Variants in SLC24A2 observed in about 807,000 individuals in gnomAD.
SLC24A2 encodes the protein sodium/potassium/calcium exchanger 2.
A neutral mutation model predicts 62.0 loss-of-function variants in SLC24A2; 36 were observed. That is an observed-to-expected ratio of 0.58 (90% confidence interval 0.44 to 0.77). SLC24A2 has a LOEUF of 0.77. SLC24A2 is among the 30% of genes least tolerant of loss of function. The pLI is 0.00. For synonymous variants in SLC24A2, 358 were observed against 294.0 expected (o/e 1.22, Z -2.23); for missense variants, 846 against 817.9 (o/e 1.03, Z -0.42).
At chr9:20,295,067 C>T in the SLC24A2 span, among the ~76,000 whole-genome samples, 1 of 138,512 alleles carries the variant, frequency 7.2e-6, no homozygotes. Context: ...CACACACATA[C>T]ACACACACAC....
chr9:19,680,528 T>C (rs1587142245), intron 2 of SLC24A2, among the ~76,000 whole-genome samples: 1 of 151,758 alleles, frequency 6.6e-6, no homozygotes, highest in East Asian at 1.9e-4. Flanking sequence ...CAACTTTCGC[T>C]CATTAAAATG....
the SLC24A2 span, among the ~76,000 whole-genome samples, chr9:20,151,783 T>C: frequency 1.3e-5 from 2 of 151,780 alleles, no homozygotes; most frequent in Non-Finnish European, 2.9e-5. Context: ...TTCACTTTCA[T>C]CTTTTGCTAA....
At chr9:19,750,001 G>C (rs911611429) in intron 2 of SLC24A2, among the ~76,000 whole-genome samples, 1 of 152,190 alleles carries the variant, frequency 6.6e-6, no homozygotes, top group South Asian at 2.1e-4. Flanking sequence ...ATGCCTGCTA[G>C]ACCCTCCAGG....
the SLC24A2 span, among the ~76,000 whole-genome samples, chr9:20,036,438 A>G: frequency 2.6e-5 from 4 of 152,066 alleles, no homozygotes; most frequent in Admixed American, 2.6e-4. Flanking sequence ...AATCAAACTT[A>G]TTCCTCCCGT....
the SLC24A2 span, among the ~76,000 whole-genome samples, chr9:20,070,101 T>A: frequency 2.2e-4 from 33 of 152,358 alleles, 1 homozygote; most frequent in Non-Finnish European, 3.8e-4. Flanking sequence ...TAAATGAACA[T>A]TAAATTGTCC....
chr9:19,557,904 C>T (rs995301101), intron 7 of SLC24A2, among the ~76,000 whole-genome samples: 3 of 151,790 alleles, frequency 2.0e-5, no homozygotes, highest in Non-Finnish European at 4.4e-5. Context: ...CTGTAGCCTC[C>T]ATCTCCCTGG....
At chr9:20,061,934 T>C in the SLC24A2 span, among the ~76,000 whole-genome samples, 1 of 152,174 alleles carries the variant, frequency 6.6e-6, no homozygotes, top group Non-Finnish European at 1.5e-5. Flanking sequence ...ATCATATATC[T>C]GATAAAAGCC....
At chr9:20,283,244 G>A in the SLC24A2 span, among the ~76,000 whole-genome samples, 2 of 152,232 alleles carry the variant, frequency 1.3e-5, no homozygotes, top group Non-Finnish European at 2.9e-5. Flanking sequence ...CCATTTGGAT[G>A]TTGCCGTTTC....
At chr9:20,019,987 T>C in the SLC24A2 span, among the ~76,000 whole-genome samples, 1 of 152,018 alleles carries the variant, frequency 6.6e-6, no homozygotes, top group African/African-American at 2.4e-5. Flanking sequence ...TCATCACTGG[T>C]CATTAGAGAA....
the SLC24A2 span, among the ~76,000 whole-genome samples, chr9:19,976,689 T>C: frequency 6.6e-6 from 1 of 152,226 alleles, no homozygotes; most frequent in Non-Finnish European, 1.5e-5. Flanking sequence ...GTACATTATA[T>C]GCAAATAGTC....
At chr9:19,550,032 C>T (rs900135248) in intron 8 of SLC24A2, 105 bp downstream of exon 8, 23 of 1,152,966 alleles carry the variant, frequency 2.0e-5, no homozygotes, top group Non-Finnish European at 2.6e-5. Context: ...GATTTTGATA[C>T]AAGTGTACTT....
At chr9:19,727,139 A>G (rs1418812746) in intron 2 of SLC24A2, among the ~76,000 whole-genome samples, 1 of 152,176 alleles carries the variant, frequency 6.6e-6, no homozygotes, top group East Asian at 1.9e-4. Context: ...TGTGGGCTCT[A>G]CCATTCCTAG....
chr9:19,982,942 G>T, the SLC24A2 span, among the ~76,000 whole-genome samples: 1 of 152,228 alleles, frequency 6.6e-6, no homozygotes. Flanking sequence ...GTGGAAAAAA[G>T]ATTTGACAAA....
chr9:19,603,435 T>C (rs1340365201), intron 4 of SLC24A2, among the ~76,000 whole-genome samples: 1 of 152,118 alleles, frequency 6.6e-6, no homozygotes, highest in East Asian at 1.9e-4. Context: ...GATAGGCCTG[T>C]TGGTTTCTTT....
intron 5 of SLC24A2, among the ~76,000 whole-genome samples, chr9:19,590,658 T>C (rs1172160224): frequency 6.6e-6 from 1 of 152,186 alleles, no homozygotes; most frequent in African/African-American, 2.4e-5. Context: ...GATGACTTTT[T>C]TTAGGTGAGC....
At chr9:20,018,484 T>C in the SLC24A2 span, among the ~76,000 whole-genome samples, 2 of 152,206 alleles carry the variant, frequency 1.3e-5, no homozygotes, top group African/African-American at 4.8e-5. Flanking sequence ...CCACCTCCCA[T>C]GCTGTTGCTT....
intron 9 of SLC24A2, among the ~76,000 whole-genome samples, chr9:19,523,002 G>C (rs1051440164): frequency 6.6e-6 from 1 of 152,134 alleles, no homozygotes; most frequent in Non-Finnish European, 1.5e-5. Flanking sequence ...TTAAATTCTT[G>C]GAGGGAATTC....
the SLC24A2 span, among the ~76,000 whole-genome samples, chr9:19,854,770 T>C: frequency 6.6e-6 from 1 of 152,098 alleles, no homozygotes. Context: ...TATTCTGTCA[T>C]TTTTGGGTGG....
intron 2 of SLC24A2, among the ~76,000 whole-genome samples, chr9:19,736,289 C>T (rs1339451451): frequency 6.6e-6 from 1 of 151,914 alleles, no homozygotes; most frequent in Non-Finnish European, 1.5e-5. Context: ...TAAGAGAAAA[C>T]AGATGATGGA....
Sources: gnomAD v4.1 joint callset for allele counts (sites outside exome capture counted in the v4.1 genomes callset) on GRCh38, gnomAD v4.1.1 for gene constraint, MANE v1.5 for transcripts, NCBI Gene and HGNC (gene_info 2026-07-23, HGNC 2026-07-21) for gene names.